PPP3CA: variants seen among roughly 807,000 people sequenced by gnomAD.
The protein encoded by PPP3CA is CAM-PRP catalytic subunit.
PPP3CA carries 14 observed loss-of-function variants against 66.5 expected under a neutral mutation model. The observed-to-expected ratio is 0.21, with a 90% CI of 0.14 to 0.33. The LOEUF (loss-of-function observed/expected upper bound fraction) is 0.33, where lower values mean the gene tolerates loss of function less well. PPP3CA is among the 10% of genes least tolerant of loss of function. PPP3CA has a pLI of 1.00. For synonymous variants in PPP3CA, 232 were observed against 226.2 expected, an observed-to-expected ratio of 1.03 and a Z score of -0.23; for missense variants, 317 against 639.5, an observed-to-expected ratio of 0.50 and a Z score of 5.44.
chr4:101,248,547 A>C (rs921604986), intron 1 of PPP3CA, among the ~76,000 whole-genome samples: 4 of 152,184 alleles, frequency 2.6e-5, no homozygotes, highest in African/African-American at 4.8e-5. Flanking sequence ...TCCACTATAA[A>C]TTCAACTGCT....
intron 1 of PPP3CA, among the ~76,000 whole-genome samples, chr4:101,199,011 A>G (rs1724887342): frequency 6.6e-6 from 1 of 152,204 alleles, no homozygotes; most frequent in Non-Finnish European, 1.5e-5. Context: ...CAGGGAACCA[A>G]GATGAGCAGT....
intron 2 of PPP3CA, among the ~76,000 whole-genome samples, chr4:101,137,860 T>C (rs1355069833): frequency 2.1e-4 from 32 of 149,252 alleles, no homozygotes; most frequent in Admixed American, 6.0e-4. Context: ...GGGAAGCTCA[T>C]TATAACTCAC....
chr4:101,307,126 C>T (rs900203023), intron 1 of PPP3CA, among the ~76,000 whole-genome samples: 5 of 148,432 alleles, frequency 3.4e-5, no homozygotes, highest in African/African-American at 5.0e-5. Context: ...TGAACAAAGA[C>T]TCTAAAATGG....
At chr4:101,140,493 G>C (rs1722768348) in intron 2 of PPP3CA, among the ~76,000 whole-genome samples, 1 of 152,040 alleles carries the variant, frequency 6.6e-6, no homozygotes, top group Non-Finnish European at 1.5e-5. Context: ...GCAATATTAG[G>C]CCTTGAGGAC....
At chr4:101,188,606 T>C (rs1358545386) in intron 2 of PPP3CA, among the ~76,000 whole-genome samples, 1 of 152,208 alleles carries the variant, frequency 6.6e-6, no homozygotes, top group African/African-American at 2.4e-5. Context: ...TATATGTATA[T>C]AGTTTGCTAC....
intron 1 of PPP3CA, among the ~76,000 whole-genome samples, chr4:101,291,761 T>A (rs1273171707): frequency 1.3e-5 from 2 of 151,896 alleles, no homozygotes; most frequent in Non-Finnish European, 2.9e-5. Context: ...AATGGTGGAG[T>A]AAACAAATGT....
intron 1 of PPP3CA, among the ~76,000 whole-genome samples, chr4:101,310,932 T>G (rs1199699791): frequency 2.6e-5 from 4 of 152,104 alleles, no homozygotes; most frequent in African/African-American, 4.8e-5. Context: ...CAAAATGTAA[T>G]TAATATTGAA....
chr4:101,179,585 A>G (rs1057225338), intron 2 of PPP3CA, among the ~76,000 whole-genome samples: 1 of 152,138 alleles, frequency 6.6e-6, no homozygotes, highest in African/African-American at 2.4e-5. Context: ...TCTGATGTTT[A>G]AAGAGGTGAA....
chr4:101,162,176 G>A (rs978002705), intron 2 of PPP3CA, among the ~76,000 whole-genome samples: 3 of 152,006 alleles, frequency 2.0e-5, no homozygotes, highest in Admixed American at 6.6e-5. Flanking sequence ...GGAGGGGGAG[G>A]TTGTGGTGAG....
intron 3 of PPP3CA, among the ~76,000 whole-genome samples, chr4:101,103,402 G>C (rs1454761731): frequency 6.6e-6 from 1 of 152,170 alleles, no homozygotes; most frequent in Non-Finnish European, 1.5e-5. Flanking sequence ...GCTCCTCTAA[G>C]ACATCACTTG....
rs771905132 is a variant in PPP3CA, at chr4:101,217,462, T to C, written c.59-21346A>G. ...TCAATATTTAGACTATGAAATCTAA[T>C]TCTGTTTACATGTTGAGTGAGTTGA... On this transcript the variant is annotated intron_variant, in intron 1 of 13. Transcript: ENST00000394854. 5.3e-5 allele frequency among the ~76,000 whole-genome samples: 8 copies of C among 152,142 alleles called. No individual in the cohort carries two copies. In the South Asian group the frequency reaches 1.2e-3, roughly 24 times the overall value.
chr4:101,164,423 C>A (rs1723621530), intron 2 of PPP3CA, among the ~76,000 whole-genome samples: 1 of 152,102 alleles, frequency 6.6e-6, no homozygotes, highest in Admixed American at 6.5e-5. Context: ...TATAATAATA[C>A]CTCAAATACT....
chr4:101,334,367 G>A (rs760771277), intron 1 of PPP3CA, among the ~76,000 whole-genome samples: 6 of 151,926 alleles, frequency 3.9e-5, no homozygotes, highest in African/African-American at 1.2e-4. Context: ...ACTCCTGACC[G>A]CAGGAGATCC....
chr4:101,129,865 C>A lies in PPP3CA; in HGVS notation c.260-20787G>T, dbSNP rs1020047285. ...CCTCCAAAGGATCACAACTCCTCACCAGCAAGGGAACAAAGCTGGATGGAG... is the reference window on the plus strand; with the variant it reads ...CCTCCAAAGGATCACAACTCCTCACAAGCAAGGGAACAAAGCTGGATGGAG... On this transcript the variant is annotated intron_variant, in intron 2 of 13. Coordinates refer to ENST00000394854, the MANE Select transcript of PPP3CA (RefSeq NM_000944.5). Among the ~76,000 whole-genome samples, 6 of 152,218 alleles carry A rather than the reference C, an allele frequency of 3.9e-5. No individual in the cohort carries two copies. The South Asian group carries it at 1.0e-3, about 26-fold the overall frequency.
At chr4:101,032,801 G>GGAGAT (rs1439542245) in intron 11 of PPP3CA, among the ~76,000 whole-genome samples, 2 of 152,050 alleles carry the variant, frequency 1.3e-5, no homozygotes, top group Non-Finnish European at 2.9e-5. Flanking sequence ...CAGAGCATAT[G>GGAGAT]GAGATTGAAA....
At chr4:101,103,453 C>G (rs1258914023) in intron 3 of PPP3CA, among the ~76,000 whole-genome samples, 1 of 152,162 alleles carries the variant, frequency 6.6e-6, no homozygotes, top group Non-Finnish European at 1.5e-5. Flanking sequence ...AGTGGAAGAG[C>G]AATGCACTAT....
chr4:101,280,455 T>C (rs1220363064), intron 1 of PPP3CA, among the ~76,000 whole-genome samples: 2 of 151,908 alleles, frequency 1.3e-5, no homozygotes, highest in African/African-American at 4.8e-5. Flanking sequence ...GACAGGCAAG[T>C]GAAAGTGTTA....
chr4:101,340,342 G>C (rs557583582), intron 1 of PPP3CA, among the ~76,000 whole-genome samples: 2 of 152,154 alleles, frequency 1.3e-5, no homozygotes, highest in African/African-American at 4.8e-5. Context: ...CTCTATGATG[G>C]TCTCAAAAAG....
At chr4:101,249,771 C>A (rs1726612923) in intron 1 of PPP3CA, among the ~76,000 whole-genome samples, 1 of 152,048 alleles carries the variant, frequency 6.6e-6, no homozygotes, top group Admixed American at 6.5e-5. Flanking sequence ...CTCAGTTTAG[C>A]ACTATAATGT....
Sources: allele counts gnomAD v4.1 joint callset (sites outside exome capture counted in the v4.1 genomes callset), GRCh38; gene constraint gnomAD v4.1.1; transcripts MANE v1.5; gene names NCBI Gene and HGNC (gene_info 2026-07-23, HGNC 2026-07-21).